Variants in TOM1L2 observed in about 807,000 individuals in gnomAD.
TOM1L2 encodes target of myb1 like 2 membrane trafficking protein, also known as TOM1-like protein 2.
In TOM1L2, 31 loss-of-function variants were observed where a neutral mutation model predicts 67.9. That is an observed-to-expected ratio of 0.46 (90% CI 0.34 to 0.62). The LOEUF (loss-of-function observed/expected upper bound fraction) is 0.62, where lower values mean the gene tolerates loss of function less well. Among genes scored for constraint, TOM1L2 ranks in the 20% least tolerant of loss-of-function variants. The pLI is 0.01. For missense variants in TOM1L2, 606 were observed against 663.5 expected (o/e 0.91, Z 0.95); for synonymous variants, 256 against 254.0 (o/e 1.01, Z -0.07).
intron 1 of TOM1L2, among the ~76,000 whole-genome samples, chr17:17,952,717 C>T (rs757532875): frequency 1.3e-5 from 2 of 151,860 alleles, no homozygotes; most frequent in African/African-American, 2.4e-5. Flanking sequence ...TTTTTAAAAA[C>T]AAAAATGGGT....
At chr17:17,902,724 C>T (rs1416278314) in intron 2 of TOM1L2, among the ~76,000 whole-genome samples, 1 of 151,992 alleles carries the variant, frequency 6.6e-6, no homozygotes, top group Non-Finnish European at 1.5e-5. Context: ...AACTGACACC[C>T]AAATGAAAGT....
intron 1 of TOM1L2, among the ~76,000 whole-genome samples, chr17:17,969,662 ATT>A (rs2145100782): frequency 6.6e-6 from 1 of 152,190 alleles, no homozygotes; most frequent in East Asian, 1.9e-4. Flanking sequence ...CTGGTAGGGT[ATT>A]TTCCTTCACA....
At chr17:17,861,918 T>C (rs1464125182) in intron 11 of TOM1L2, 4 of 173,114 alleles carry the variant, frequency 2.3e-5, no homozygotes, top group Non-Finnish European at 3.7e-5. Flanking sequence ...TTAATTCTTA[T>C]TTTATTAGCA....
intron 2 of TOM1L2, among the ~76,000 whole-genome samples, chr17:17,904,095 A>T (rs1028219190): frequency 1.3e-5 from 2 of 152,146 alleles, no homozygotes; most frequent in Admixed American, 1.3e-4. Flanking sequence ...AGCCTTCTGA[A>T]TAGGTGGGAC....
intron 2 of TOM1L2, among the ~76,000 whole-genome samples, chr17:17,899,021 T>G (rs1202771999): frequency 6.6e-6 from 1 of 152,190 alleles, no homozygotes; most frequent in Non-Finnish European, 1.5e-5. Context: ...GGTGCCAGCG[T>G]AGGGAAGAGA....
chr17:17,870,123 G>A (rs1307686971), intron 7 of TOM1L2, among the ~76,000 whole-genome samples: 1 of 152,168 alleles, frequency 6.6e-6, no homozygotes, highest in Non-Finnish European at 1.5e-5. Context: ...TTTTATGACT[G>A]CATTAGGTAT....
chr17:17,917,075 A>G (rs899828599), intron 1 of TOM1L2, among the ~76,000 whole-genome samples: 9 of 152,286 alleles, frequency 5.9e-5, no homozygotes, highest in African/African-American at 2.2e-4. Flanking sequence ...CAGGAGAGTC[A>G]CTTGAACTCA....
chr17:17,879,936 G>T (rs1421049920), intron 6 of TOM1L2, among the ~76,000 whole-genome samples, 193 bp from the exon 7 acceptor site: 1 of 152,160 alleles, frequency 6.6e-6, no homozygotes, highest in East Asian at 1.9e-4. Flanking sequence ...TGAGAGAGCT[G>T]AATGGGCCCT....
chr17:17,854,841 C>G (rs2036179573), intron 12 of TOM1L2, among the ~76,000 whole-genome samples: 1 of 152,052 alleles, frequency 6.6e-6, no homozygotes, highest in South Asian at 2.1e-4. Flanking sequence ...GCCTGACATG[C>G]CATAGTTTCA....
Position 17,879,692 on chromosome 17 carries a change from T to C in TOM1L2, c.712A>G (p.Met238Val), listed in dbSNP as rs1326829489. 2 of 1,614,096 alleles carry C rather than the reference T, an allele frequency of 1.2e-6. No homozygotes were observed. The highest frequency in any genetic ancestry group is 1.7e-6 in the Non-Finnish European group (2 of 1,180,050). The change falls in exon 7 of 15, where the codon ATG (methionine) becomes GTG (valine). Residue 238 changes from methionine (M) to valine (V), a missense_variant. By Grantham distance (21) the Met-to-Val change is conservative (BLOSUM62 1). This residue lies in a region of TOM1L2 where 543 missense variants were observed against 554.0 expected (regional missense o/e 0.98). Coordinates refer to ENST00000379504, the MANE Select transcript of TOM1L2 (RefSeq NM_001082968.2). Reference sequence around the variant, plus strand: ...ACCATTTCTGTTAACATCTCAGACATGACTTTTGTGTTTCCTCGAACGACG... The same window carrying C: ...ACCATTTCTGTTAACATCTCAGACACGACTTTTGTGTTTCCTCGAACGACG... ...LDVVRGNTKVMSEMLTEMVPG... is the reference protein window; with the variant it reads ...LDVVRGNTKVVSEMLTEMVPG...
At chr17:17,936,188 C>T (rs1045134945) in intron 1 of TOM1L2, among the ~76,000 whole-genome samples, 2 of 152,222 alleles carry the variant, frequency 1.3e-5, no homozygotes, top group African/African-American at 4.8e-5. Context: ...TGCCCTTCAG[C>T]AGCTCTGGGT....
chr17:17,870,217 C>T (rs2037078142), intron 7 of TOM1L2, among the ~76,000 whole-genome samples: 1 of 152,138 alleles, frequency 6.6e-6, no homozygotes, highest in Admixed American at 6.5e-5. Flanking sequence ...AATTCGCACA[C>T]CCCCGGTTGC....
At chr17:17,900,317 C>A (rs1343304279) in intron 2 of TOM1L2, among the ~76,000 whole-genome samples, 1 of 148,550 alleles carries the variant, frequency 6.7e-6, no homozygotes, top group Non-Finnish European at 1.5e-5. Flanking sequence ...GTCAGGAGTT[C>A]AAGACCAGCC....
At chr17:17,939,583 T>C (rs913761229) in intron 1 of TOM1L2, among the ~76,000 whole-genome samples, 1 of 152,200 alleles carries the variant, frequency 6.6e-6, no homozygotes, top group Non-Finnish European at 1.5e-5. Flanking sequence ...GGTATGCATA[T>C]TGACAAAATC....
chr17:17,881,585 G>C (rs2037726259), intron 6 of TOM1L2, among the ~76,000 whole-genome samples: 1 of 152,202 alleles, frequency 6.6e-6, no homozygotes, highest in Non-Finnish European at 1.5e-5. Flanking sequence ...CTTTCCCACA[G>C]CACTTGGGTA....
intron 2 of TOM1L2, among the ~76,000 whole-genome samples, chr17:17,906,887 A>G (rs2039123197): frequency 6.6e-6 from 1 of 152,240 alleles, no homozygotes; most frequent in Non-Finnish European, 1.5e-5. Flanking sequence ...AGAAGTACAA[A>G]TAGAGTGCAG....
rs1038113584 is a variant in TOM1L2 at position 17,847,458 on chromosome 17, G to T, written c.*177C>A. The T allele has an allele frequency of 9.1e-6, 7 of 765,054 alleles. No homozygotes were observed. Among genetic ancestry groups the T allele is most frequent in the Admixed American group, 6.1e-5 (2 of 32,792 alleles). 47.4% of individuals were successfully genotyped at this position (765,054 alleles called of 1,614,324 possible). Reference sequence around the variant, plus strand: ...CAGTTGTCCCACCACTCAGAGAAAAGAAGTGGCTGAAGCTGGTCCTGACTA... The same window carrying T: ...CAGTTGTCCCACCACTCAGAGAAAATAAGTGGCTGAAGCTGGTCCTGACTA... On this transcript the variant is annotated 3_prime_UTR_variant, in exon 15 of 15. Transcript: ENST00000379504.
chr17:17,939,973 A>C (rs1451443935), intron 1 of TOM1L2, among the ~76,000 whole-genome samples: 3 of 151,888 alleles, frequency 2.0e-5, no homozygotes, highest in Admixed American at 2.0e-4. Context: ...CGGGAGGATC[A>C]CTTGAGGTCA....
chr17:17,946,097 C>T (rs1029672186), intron 1 of TOM1L2, among the ~76,000 whole-genome samples: 1 of 151,968 alleles, frequency 6.6e-6, no homozygotes, highest in Non-Finnish European at 1.5e-5. Flanking sequence ...AGGCTGGTCT[C>T]CAACCCCTGG....
Sources: gnomAD v4.1 joint callset for allele counts (sites outside exome capture counted in the v4.1 genomes callset) on GRCh38, gnomAD v4.1.1 for gene constraint, gnomAD v4.1.1 regional missense constraint, MANE v1.5 for transcripts, NCBI Gene and HGNC (gene_info 2026-07-23, HGNC 2026-07-21) for gene names.